The following MYO9B variants were observed in gnomAD, a reference collection of about 807,000 sequenced individuals.
MYO9B encodes myosin IXB, also known as unconventional myosin-IXb.
Under a neutral mutation model 229.5 loss-of-function variants are expected in MYO9B, and 71 were observed. The ratio of observed to expected loss-of-function variants is 0.31; its 90% CI spans 0.26 to 0.38. The LOEUF (loss-of-function observed/expected upper bound fraction) is 0.38, where lower values mean the gene tolerates loss of function less well. Among genes scored for constraint, MYO9B ranks in the 10% least tolerant of loss-of-function variants. The pLI, the probability that MYO9B is intolerant of heterozygous loss-of-function variation, is 1.00. For missense variants in MYO9B, 2,255 were observed against 2,920.5 expected (o/e 0.77, Z 5.25); for synonymous variants, 1,185 against 1,235.8 (o/e 0.96, Z 0.86).
rs150944170 is a variant in MYO9B, at chr19:17,123,260, C to T, written c.840+20703C>T. 6.5e-4 allele frequency among the ~76,000 whole-genome samples: 99 copies of T among 152,220 alleles called. No homozygotes were observed. In the East Asian group the frequency reaches 0.012, roughly 18 times the overall value. On this transcript the variant is annotated intron_variant, in intron 2 of 39. Coordinates refer to ENST00000682292, the MANE Select transcript of MYO9B (RefSeq NM_004145.4). The stretch of plus-strand genomic sequence containing the variant: ...CACAGGTGTACCAGGCAGTGAGAAA[C>T]GGGAGATAGCAGAGCTGCAATTCGG...
intron 14 of MYO9B, among the ~76,000 whole-genome samples, chr19:17,176,113 T>G (rs2072785879): frequency 6.6e-6 from 1 of 152,222 alleles, no homozygotes; most frequent in Admixed American, 6.5e-5. Context: ...CACTGCAGGC[T>G]CCGCCTCGCA....
intron 24 of MYO9B, among the ~76,000 whole-genome samples, chr19:17,200,006 G>A (rs2073089915): frequency 6.6e-6 from 1 of 152,066 alleles, no homozygotes; most frequent in South Asian, 2.1e-4. Flanking sequence ...CAAGTAGCTG[G>A]GACTACAGGA....
chr19:17,099,752 A>G (rs1321258497), intron 1 of MYO9B, among the ~76,000 whole-genome samples: 3 of 142,864 alleles, frequency 2.1e-5, no homozygotes, highest in African/African-American at 7.8e-5. Flanking sequence ...CGGGAGGCGG[A>G]GCTTGCAGTG....
At chr19:17,198,345 A>C (rs750341315) in intron 24 of MYO9B, 37 bp downstream of exon 24, 1 of 1,610,100 alleles carries the variant, frequency 6.2e-7, no homozygotes, top group South Asian at 1.1e-5. Context: ...AGGCCACCAG[A>C]GGATGCCCGG....
chr19:17,206,880 G>A (rs2073168220), intron 34 of MYO9B, 96 bp downstream of exon 34: 4 of 1,304,050 alleles, frequency 3.1e-6, no homozygotes, highest in Middle Eastern at 1.8e-4. Context: ...GCGTTCTGTG[G>A]TGGTTTCGAA....
At chr19:17,096,377 C>G (rs1205356851) in intron 1 of MYO9B, among the ~76,000 whole-genome samples, 1 of 152,004 alleles carries the variant, frequency 6.6e-6, no homozygotes, top group Non-Finnish European at 1.5e-5. Flanking sequence ...TTTTCTAAAG[C>G]AGATGAGGGC....
At chr19:17,147,398 G>A (rs2072423922) in intron 3 of MYO9B, among the ~76,000 whole-genome samples, 1 of 151,914 alleles carries the variant, frequency 6.6e-6, no homozygotes, top group Non-Finnish European at 1.5e-5. Context: ...ACAAAAATTA[G>A]CTGGGCATGA....
intron 14 of MYO9B, chr19:17,178,494 A>G (rs1471377836): frequency 6.6e-6 from 1 of 151,226 alleles, no homozygotes; most frequent in Non-Finnish European, 1.5e-5. Context: ...AAAAAAAAGC[A>G]GGAAAAACCA....
intron 10 of MYO9B, among the ~76,000 whole-genome samples, chr19:17,164,726 T>C (rs2072640812): frequency 6.6e-6 from 1 of 152,174 alleles, no homozygotes; most frequent in Non-Finnish European, 1.5e-5. Context: ...TCCTTATTCA[T>C]GTCTTCTCCT....
At chr19:17,118,817 G>A (rs1037896117) in intron 2 of MYO9B, among the ~76,000 whole-genome samples, 6 of 152,074 alleles carry the variant, frequency 3.9e-5, no homozygotes, top group African/African-American at 1.4e-4. Context: ...TCTTTTAAAT[G>A]AAGCCACCAC....
chr19:17,093,692 G>T (rs2057660570), intron 1 of MYO9B, among the ~76,000 whole-genome samples: 1 of 22,842 alleles, frequency 4.4e-5, no homozygotes, highest in Non-Finnish European at 6.8e-5. Flanking sequence ...TTTGCGGGGG[G>T]TGGGGGGGGG....
chr19:17,184,716 G>A (rs755291592), intron 16 of MYO9B, 149 bp from the exon 17 acceptor site: 6 of 963,682 alleles, frequency 6.2e-6, no homozygotes, highest in African/African-American at 1.6e-5. Context: ...CACATCAATA[G>A]TGTGGTCCTG....
chr19:17,088,128 C>T (rs2057601213), intron 1 of MYO9B, among the ~76,000 whole-genome samples: 1 of 152,184 alleles, frequency 6.6e-6, no homozygotes, highest in Admixed American at 6.6e-5. Context: ...ACCACACTCC[C>T]TCTGGAGGCT....
intron 24 of MYO9B, 149 bp downstream of exon 24, chr19:17,198,457 C>A: frequency 8.6e-7 from 1 of 1,161,238 alleles, no homozygotes; most frequent in Non-Finnish European, 1.2e-6. Flanking sequence ...AATGGGGAGG[C>A]CAGGCAGTGG....
chr19:17,118,555 C>T (rs1411631951), intron 2 of MYO9B, among the ~76,000 whole-genome samples: 1 of 151,934 alleles, frequency 6.6e-6, no homozygotes, highest in Non-Finnish European at 1.5e-5. Flanking sequence ...GATCTTGGCT[C>T]ACTAAAACCT....
intron 28 of MYO9B, 58 bp from the exon 29 acceptor site, chr19:17,202,783 GT>G (rs1277020588): frequency 4.6e-6 from 7 of 1,523,466 alleles, no homozygotes; most frequent in Non-Finnish European, 5.3e-6. Context: ...GGTGCCAGGG[GT>G]GGGTTGGGGC....
At chr19:17,204,917 C>T (rs951164763) in intron 30 of MYO9B, among the ~76,000 whole-genome samples, 4 of 152,050 alleles carry the variant, frequency 2.6e-5, no homozygotes, top group African/African-American at 7.2e-5. Flanking sequence ...TTTGGGAGGC[C>T]GAGGTGGGCA....
In MYO9B at chr19:17,104,662, A is replaced by G. The variant is rs138744513; in HGVS notation, c.840+2105A>G. Reference sequence around the variant, plus strand: ...GCTGGTCTCGAACTCCTGGATGCCAATGATCCTCCCACCTTGGCCTCCCAA... The same window carrying G: ...GCTGGTCTCGAACTCCTGGATGCCAGTGATCCTCCCACCTTGGCCTCCCAA... On this transcript the variant is annotated intron_variant, in intron 2 of 39. Transcript: ENST00000682292. Among the ~76,000 whole-genome samples, 907 of 152,004 alleles carry G rather than the reference A, an allele frequency of 6.0e-3. 17 individuals carry two copies. The highest frequency in any genetic ancestry group is 0.021 in the African/African-American group (872 of 41,468).
chr19:17,077,049 G>A (rs1269603333), intron 1 of MYO9B, among the ~76,000 whole-genome samples: 2 of 152,282 alleles, frequency 1.3e-5, no homozygotes, highest in Middle Eastern at 3.4e-3. Flanking sequence ...CAGCCAGAGA[G>A]TCCCAACTCG....
Sources: gnomAD v4.1 joint callset for allele counts (sites outside exome capture counted in the v4.1 genomes callset) on GRCh38, gnomAD v4.1.1 for gene constraint, MANE v1.5 for transcripts, NCBI Gene and HGNC (gene_info 2026-07-23, HGNC 2026-07-21) for gene names.